The following SORL1 variants were observed in gnomAD, a reference collection of about 807,000 sequenced individuals.
SORL1 encodes sortilin-related receptor.
SORL1 carries 127 observed loss-of-function variants against 273.7 expected under a neutral mutation model. The observed-to-expected ratio is 0.46, with a 90% CI of 0.40 to 0.54. The LOEUF (loss-of-function observed/expected upper bound fraction) is 0.54. SORL1 is among the 20% of genes least tolerant of loss of function. The pLI is 0.00. For synonymous variants in SORL1, 1,031 were observed against 1,067.4 expected, an observed-to-expected ratio of 0.97 and a Z score of 0.66; for missense variants, 2,494 against 2,846.1, an observed-to-expected ratio of 0.88 and a Z score of 2.81.
intron 3 of SORL1, among the ~76,000 whole-genome samples, chr11:121,487,614 ACCATC>A (rs1199871594): frequency 6.6e-6 from 1 of 152,194 alleles, no homozygotes; most frequent in Non-Finnish European, 1.5e-5. Context: ...GGGAGACTCA[ACCATC>A]CCATCTGTGT....
At chr11:121,568,056 C>T (rs1173572687) in intron 22 of SORL1, among the ~76,000 whole-genome samples, 1 of 152,004 alleles carries the variant, frequency 6.6e-6, no homozygotes, top group Non-Finnish European at 1.5e-5. Flanking sequence ...ACGAGCCCAG[C>T]TAATTTCTTT....
chr11:121,485,576 T>G (rs1861461539), intron 3 of SORL1, among the ~76,000 whole-genome samples: 1 of 152,230 alleles, frequency 6.6e-6, no homozygotes, highest in South Asian at 2.1e-4. Context: ...GTTTAGCTAT[T>G]ACCATGGACA....
At chr11:121,626,526 A>C (rs1442596521) in intron 46 of SORL1, 1 of 152,148 alleles carries the variant, frequency 6.6e-6, no homozygotes, top group East Asian at 1.9e-4. Flanking sequence ...TTGTTAGATT[A>C]GGTTTGCAAG....
intron 25 of SORL1, among the ~76,000 whole-genome samples, chr11:121,582,590 G>C (rs919700574): frequency 6.6e-6 from 1 of 152,220 alleles, no homozygotes; most frequent in Non-Finnish European, 1.5e-5. Flanking sequence ...GTTTGACTGA[G>C]TTTTTGAGGT....
Position 121,605,245 on chromosome 11 carries a change from T to A in SORL1, c.4778+6T>A. The stretch of plus-strand genomic sequence containing the variant: ...GTATATAATGTCTACTACAGGTAGG[T>A]CCCATCTTTGTCATGGGAGATGAAA... On this transcript the variant is annotated splice_donor_region_variant and intron_variant, in intron 34 of 47. Coordinates refer to ENST00000260197, the MANE Select transcript of SORL1 (RefSeq NM_003105.6). The A allele has an allele frequency of 6.2e-7, 1 of 1,606,834 alleles. No homozygotes were observed. The highest frequency in any genetic ancestry group is 8.5e-7 in the Non-Finnish European group (1 of 1,177,162).
At chr11:121,543,821 G>A in intron 13 of SORL1, 95 bp downstream of exon 13, 1 of 1,193,852 alleles carries the variant, frequency 8.4e-7, no homozygotes, top group Non-Finnish European at 1.2e-6. Context: ...ACTCAGAAGA[G>A]CCTGACATTC....
chr11:121,508,074 CAG>C (rs1288548391), intron 6 of SORL1, among the ~76,000 whole-genome samples: 27 of 152,322 alleles, frequency 1.8e-4, no homozygotes, highest in African/African-American at 6.0e-4. Context: ...AATGATAAGA[CAG>C]AGATTTTCTT....
At chr11:121,514,936 T>G (rs906647447) in intron 8 of SORL1, among the ~76,000 whole-genome samples, 2 of 152,170 alleles carry the variant, frequency 1.3e-5, no homozygotes, top group African/African-American at 4.8e-5. Flanking sequence ...TCAGGGCCAT[T>G]TATTCTGATT....
chr11:121,503,816 T>G (rs865835061), intron 6 of SORL1, among the ~76,000 whole-genome samples: 1 of 152,218 alleles, frequency 6.6e-6, no homozygotes, highest in Non-Finnish European at 1.5e-5. Flanking sequence ...TTTGGAAAAT[T>G]TGAACTCTCC....
At chr11:121,538,751 T>C (rs1020877002) in intron 12 of SORL1, among the ~76,000 whole-genome samples, 3 of 152,198 alleles carry the variant, frequency 2.0e-5, no homozygotes, top group Admixed American at 6.5e-5. Flanking sequence ...CCATCTTGGC[T>C]CACTGCAACC....
rs2134898274 is a variant in SORL1, at chr11:121,589,315, G to A, written c.4003G>A (p.Gly1335Arg). Residue 1335 changes from glycine to arginine, a missense_variant, in exon 29 of 48, where the codon GGA becomes AGA. Coordinates refer to ENST00000260197, the MANE Select transcript of SORL1 (RefSeq NM_003105.6). ...TGAGTTCGGTTTCCAGTGTCAGAATGGAGTGTGCATCAGTTTGATTTGGAA... is the reference window on the plus strand; with the variant it reads ...TGAGTTCGGTTTCCAGTGTCAGAATAGAGTGTGCATCAGTTTGATTTGGAA... ...CDEFGFQCQN[G>R]VCISLIWKCD... The A allele has an allele frequency of 1.9e-6, 3 of 1,613,922 alleles. No individual in the cohort carries two copies. Among genetic ancestry groups the A allele is most frequent in the Non-Finnish European group, 2.5e-6 (3 of 1,179,768 alleles).
At chr11:121,586,162 G>A in intron 26 of SORL1, 60 bp from the exon 27 acceptor site, 2 of 1,366,206 alleles carry the variant, frequency 1.5e-6, no homozygotes, top group Non-Finnish European at 1.0e-6. Context: ...CCAGCACTGT[G>A]TGTGAGTGCC....
At chr11:121,522,013 A>G (rs1434228264) in intron 9 of SORL1, among the ~76,000 whole-genome samples, 2 of 152,332 alleles carry the variant, frequency 1.3e-5, no homozygotes, top group South Asian at 2.1e-4. Context: ...GAATCGCTTG[A>G]AGCCTTGCCC....
Position 121,627,261 on chromosome 11 carries a change from C to T in SORL1, c.6365-294C>T. 1 of 384,456 alleles carries T rather than the reference C, an allele frequency of 2.6e-6. No individual in the cohort carries two copies. The highest frequency in any genetic ancestry group is 4.8e-6 in the Non-Finnish European group (1 of 210,356). 23.8% of individuals were successfully genotyped at this position (384,456 alleles called of 1,614,324 possible). On this transcript the variant is annotated intron_variant, in intron 46 of 47. Coordinates refer to ENST00000260197, the MANE Select transcript of SORL1 (RefSeq NM_003105.6). The surrounding 1 kb of genome is among the most constrained non-coding windows in gnomAD (Gnocchi z 4.9). ...ATGCTAATGAAATCAATGTTGATACCCCAACAAAGGTCTCCCTTCCAAGAG... is the reference window on the plus strand; with the variant it reads ...ATGCTAATGAAATCAATGTTGATACTCCAACAAAGGTCTCCCTTCCAAGAG...
At chr11:121,469,689 G>A (rs186699590) in intron 1 of SORL1, among the ~76,000 whole-genome samples, 209 of 152,290 alleles carry the variant, frequency 1.4e-3, no homozygotes, top group African/African-American at 4.6e-3. Flanking sequence ...CATACATAGA[G>A]TAAGGATCAG....
Position 121,607,124 on chromosome 11 carries a change from G to C in SORL1, c.5062-62G>C, listed in dbSNP as rs1387124515. 4 of 1,149,386 alleles carry C rather than the reference G, an allele frequency of 3.5e-6. No homozygotes were observed. The East Asian group carries it at 9.5e-5, about 27-fold the overall frequency. The allele number at this position is 1,149,386 out of a possible 1,614,324, so 71.2% of individuals were successfully genotyped here. A position where few individuals can be genotyped will look rare whatever the true frequency, so the allele number is the denominator to read the frequency against. ...TTTCTCTCCTCCAGCCTCCTTGCAA[G>C]ATATTAGGATGCCCTGGACCTTTGG... On this transcript the variant is annotated intron_variant, in intron 36 of 47. Coordinates refer to ENST00000260197, the MANE Select transcript of SORL1 (RefSeq NM_003105.6).
At chr11:121,583,708 A>G in intron 26 of SORL1, 125 bp downstream of exon 26, 1 of 969,956 alleles carries the variant, frequency 1.0e-6, no homozygotes, top group South Asian at 2.0e-5. Flanking sequence ...CTCTGAAACC[A>G]AATAAGCCCA....
chr11:121,553,068 C>T (rs1862527601), intron 16 of SORL1, among the ~76,000 whole-genome samples: 2 of 152,198 alleles, frequency 1.3e-5, no homozygotes, highest in South Asian at 4.1e-4. Flanking sequence ...TAAAAATCAT[C>T]CACGGTAGCG....
chr11:121,480,211 G>A lies in SORL1; in HGVS notation c.528+1968G>A, dbSNP rs546037314. On this transcript the variant is annotated intron_variant, in intron 3 of 47. Coordinates refer to ENST00000260197, the MANE Select transcript of SORL1 (RefSeq NM_003105.6). ...CACAAAAATAACTATGAGAGGGAAA[G>A]CATTTGTTAATTAGCCAGATTTAAC... Among the ~76,000 whole-genome samples, 8 of 152,174 alleles carry A rather than the reference G, an allele frequency of 5.3e-5. No individual in the cohort carries two copies. In the South Asian group the frequency reaches 1.2e-3, roughly 24 times the overall value.
Sources: gnomAD v4.1 joint callset for allele counts (sites outside exome capture counted in the v4.1 genomes callset) on GRCh38, gnomAD v4.1.1 for gene constraint, Gnocchi (gnomAD v3.1) non-coding constraint, MANE v1.5 for transcripts, NCBI Gene and HGNC (gene_info 2026-07-23, HGNC 2026-07-21) for gene names.